MTMR3: variants seen among roughly 807,000 people sequenced by gnomAD.
MTMR3 encodes the protein phosphatidylinositol-3,5-bisphosphate 3-phosphatase MTMR3.
In MTMR3, 32 loss-of-function variants were observed where a neutral mutation model predicts 132.4. That is an observed-to-expected ratio of 0.24 (90% CI 0.18 to 0.32). The LOEUF (loss-of-function observed/expected upper bound fraction) is 0.32. Among genes scored for constraint, MTMR3 ranks in the 10% least tolerant of loss-of-function variants. MTMR3 has a pLI of 1.00. For synonymous variants in MTMR3, 556 were observed against 550.3 expected (o/e 1.01, Z -0.14); for missense variants, 1,216 against 1,489.6 (o/e 0.82, Z 3.02).
At chr22:29,955,023 T>C (rs903335937) in intron 1 of MTMR3, among the ~76,000 whole-genome samples, 1 of 152,228 alleles carries the variant, frequency 6.6e-6, no homozygotes, top group Non-Finnish European at 1.5e-5. Flanking sequence ...AGGGTCTTAC[T>C]TTGTTGGCCA....
intron 1 of MTMR3, among the ~76,000 whole-genome samples, chr22:29,935,690 A>G (rs2065734476): frequency 2.0e-5 from 3 of 151,542 alleles, no homozygotes; most frequent in South Asian, 4.2e-4. Context: ...AATAATTTCC[A>G]TATCTGATGC....
At chr22:29,911,246 T>C (rs1544428) in intron 1 of MTMR3, among the ~76,000 whole-genome samples, 148,602 of 152,242 alleles carry the variant, frequency 0.98, 72,553 homozygotes, top group East Asian at 1. Context: ...TGTGAGCCAT[T>C]AAATTCTGAT....
intron 3 of MTMR3, among the ~76,000 whole-genome samples, chr22:29,971,402 C>CTGTG (rs150241246): frequency 2.6e-5 from 4 of 151,812 alleles, no homozygotes; most frequent in African/African-American, 9.7e-5. Flanking sequence ...GTAGTGAAAA[C>CTGTG]TGTGTGTGTG....
chr22:29,892,197 T>G (rs1367977603), intron 1 of MTMR3, among the ~76,000 whole-genome samples: 1 of 151,818 alleles, frequency 6.6e-6, no homozygotes, highest in Non-Finnish European at 1.5e-5. Context: ...GTATCTGCAA[T>G]AAGGGTAAAA....
At chr22:29,965,716 T>G (rs2066402098) in intron 2 of MTMR3, among the ~76,000 whole-genome samples, 1 of 152,072 alleles carries the variant, frequency 6.6e-6, no homozygotes, top group South Asian at 2.1e-4. Flanking sequence ...AAATTAGATT[T>G]GACTGGGAAG....
intron 1 of MTMR3, among the ~76,000 whole-genome samples, chr22:29,894,654 T>C (rs1162307832): frequency 6.6e-6 from 1 of 152,118 alleles, no homozygotes; most frequent in Non-Finnish European, 1.5e-5. Flanking sequence ...ATTATGACAG[T>C]ATAGGCTTAT....
At position 30,007,812 on chromosome 22, in the gene MTMR3, G is replaced by A. The variant is rs543158594; in HGVS notation, c.878-89G>A. 2.4e-5 allele frequency: 35 copies of A among 1,465,392 alleles called. No homozygotes were observed. In the South Asian group the frequency reaches 4.3e-4, roughly 18 times the overall value. 90.8% of individuals were successfully genotyped at this position (1,465,392 alleles called of 1,614,324 possible). On this transcript the variant is annotated intron_variant, in intron 10 of 19. Coordinates refer to ENST00000401950, the MANE Select transcript of MTMR3 (RefSeq NM_021090.4). ...GATTTCATTTTATTGAGCCTTTTTT[G>A]TGCCATAAGATGTGCTTGTGGGTCT... is the stretch of plus-strand genomic sequence containing the variant.
At chr22:29,934,755 G>A (rs1433448571) in intron 1 of MTMR3, among the ~76,000 whole-genome samples, 1 of 152,080 alleles carries the variant, frequency 6.6e-6, no homozygotes, top group Non-Finnish European at 1.5e-5. Flanking sequence ...TGAATCCTTG[G>A]GAACCTTGAA....
intron 1 of MTMR3, among the ~76,000 whole-genome samples, chr22:29,953,874 T>C (rs1419491472): frequency 6.6e-6 from 1 of 152,154 alleles, no homozygotes; most frequent in Non-Finnish European, 1.5e-5. Flanking sequence ...TGCTTAGATT[T>C]AATGCAACCA....
At chr22:30,016,473 T>G in intron 14 of MTMR3, 55 bp from the exon 15 acceptor site, 1 of 1,580,942 alleles carries the variant, frequency 6.3e-7, no homozygotes, top group Non-Finnish European at 8.6e-7. Flanking sequence ...CTGAGCTGAC[T>G]TATCAGAGTG....
At chr22:29,896,014 C>A (rs536716106) in intron 1 of MTMR3, among the ~76,000 whole-genome samples, 1 of 152,090 alleles carries the variant, frequency 6.6e-6, no homozygotes. Flanking sequence ...ACTTATCAAG[C>A]TTTTTCACCT....
intron 2 of MTMR3, among the ~76,000 whole-genome samples, chr22:29,966,435 C>T (rs559135001): frequency 3.3e-5 from 5 of 152,160 alleles, no homozygotes; most frequent in Non-Finnish European, 5.9e-5. Context: ...CCTTCTATGT[C>T]GGTCTTTTGT....
intron 5 of MTMR3, chr22:29,986,304 C>G (rs1222784027): frequency 6.6e-6 from 1 of 152,376 alleles, no homozygotes; most frequent in African/African-American, 2.4e-5. Context: ...AATTGCCAGT[C>G]TGGCAGCCAC....
In MTMR3 at chr22:30,000,783, CAGAG is replaced by C. The variant is rs1007494075; in HGVS notation, c.557+1929_557+1932del. The stretch of plus-strand genomic sequence containing the variant: ...TGAATGCTGGATGAGGGGGCGGCCT[CAGAG>C]AGCCTGTGGCTGCATTAGGCTTTCC... On this transcript the variant is annotated intron_variant, in intron 8 of 19. Coordinates refer to ENST00000401950, the MANE Select transcript of MTMR3 (RefSeq NM_021090.4). The C allele has an allele frequency of 1.4e-4, 21 of 152,314 alleles. 1 individual carries two copies. The highest frequency in any genetic ancestry group is 1.4e-3 in the Admixed American group (21 of 15,290). The allele number at this position is 152,314 out of a possible 1,614,324, so 9.4% of individuals were successfully genotyped here.
At chr22:29,916,216 G>A (rs2065304939) in intron 1 of MTMR3, among the ~76,000 whole-genome samples, 1 of 152,186 alleles carries the variant, frequency 6.6e-6, no homozygotes, top group Non-Finnish European at 1.5e-5. Context: ...CCTGAGTTTA[G>A]TAAGGTCTCT....
rs61753803 is a variant in MTMR3 at position 30,007,920 on chromosome 22, T to C, written c.897T>C (p.Ala299=). 857 of 1,613,752 alleles carry C rather than the reference T, an allele frequency of 5.3e-4. 3 individuals are homozygous for C. In the African/African-American group the frequency reaches 0.01, roughly 19 times the overall value. The stretch of plus-strand genomic sequence containing the variant: ...CCCTAGATTCTTCTCTGTCAAATGC[T>C]TCAGGAGCAGAGAGTTTAGCCATCC... ...DVEFDSSLSN[A]SGAESLAIQP... Residue 299 remains alanine, a synonymous_variant, in exon 11 of 20, where the codon GCT becomes GCC. Coordinates refer to ENST00000401950, the MANE Select transcript of MTMR3 (RefSeq NM_021090.4).
chr22:29,909,397 G>A (rs1484421734), intron 1 of MTMR3, among the ~76,000 whole-genome samples: 2 of 152,002 alleles, frequency 1.3e-5, no homozygotes, highest in African/African-American at 4.8e-5. Flanking sequence ...TCTTGTTTTT[G>A]TATTTGCTGT....
In MTMR3 at chr22:29,947,175, T is replaced by C. The variant is rs2065969178; in HGVS notation, c.-137-9861T>C. 2.6e-5 allele frequency among the ~76,000 whole-genome samples: 4 copies of C among 152,330 alleles called. No individual in the cohort carries two copies. In the South Asian group the frequency reaches 8.3e-4, roughly 32 times the overall value. ...TTTTACCAGAGAGCTTGGATAAACATATTATTTCTTTCTCCTCTTTCCGAC... is the reference window on the plus strand; with the variant it reads ...TTTTACCAGAGAGCTTGGATAAACACATTATTTCTTTCTCCTCTTTCCGAC... On this transcript the variant is annotated intron_variant, in intron 1 of 19. Transcript: ENST00000401950.
intron 1 of MTMR3, among the ~76,000 whole-genome samples, chr22:29,888,129 AC>A (rs1223088444): frequency 1.3e-5 from 2 of 151,964 alleles, no homozygotes; most frequent in East Asian, 3.9e-4. Flanking sequence ...GATTTGGGAA[AC>A]TTTTGTTTCT....
Sources: gnomAD v4.1 joint callset for allele counts (sites outside exome capture counted in the v4.1 genomes callset) on GRCh38, gnomAD v4.1.1 for gene constraint, MANE v1.5 for transcripts, NCBI Gene and HGNC (gene_info 2026-07-23, HGNC 2026-07-21) for gene names.